GRM7: variants seen among roughly 807,000 people sequenced by gnomAD.
GRM7 encodes the protein metabotropic glutamate receptor 7.
In GRM7, 35 loss-of-function variants were observed where a neutral mutation model predicts 84.5. The ratio of observed to expected loss-of-function variants is 0.41; its 90% confidence interval spans 0.32 to 0.55. The LOEUF is 0.55. GRM7 is among the 20% of genes least tolerant of loss of function. The pLI is 0.19. For synonymous variants in GRM7, 487 were observed against 455.1 expected (o/e 1.07, Z -0.89); for missense variants, 1,003 against 1,194.6 (o/e 0.84, Z 2.36).
At position 6,936,028 on chromosome 3, in the gene GRM7, GTGCT is replaced by G. The variant is rs372243923; in HGVS notation, c.519+74128_519+74131del. On this transcript the variant is annotated intron_variant, in intron 1 of 9. Transcript: ENST00000357716. ...CCAGCCTTTGCTTTCTGTTTCTAAT[GTGCT>G]TGCTTGGAAGTCTCCCAGAGGCCTC... is the stretch of plus-strand genomic sequence containing the variant. Among the ~76,000 whole-genome samples, 336 of 152,130 alleles carry G rather than the reference GTGCT, an allele frequency of 2.2e-3. 2 individuals carry two copies. The highest frequency in any genetic ancestry group is 8.0e-3 in the African/African-American group (330 of 41,506).
intron 1 of GRM7, among the ~76,000 whole-genome samples, chr3:7,104,374 T>G (rs765659261): frequency 2.0e-5 from 3 of 151,782 alleles, no homozygotes; most frequent in Non-Finnish European, 2.9e-5. Flanking sequence ...TGTGAAAATA[T>G]AAATTTTTGA....
At chr3:7,169,930 C>T (rs1342805901) in intron 2 of GRM7, among the ~76,000 whole-genome samples, 1 of 152,146 alleles carries the variant, frequency 6.6e-6, no homozygotes, top group African/African-American at 2.4e-5. Flanking sequence ...ATATATAGGA[C>T]AATGGTTCTG....
rs752445160 is a variant in GRM7 at position 7,579,005 on chromosome 3, C to A, written c.2099C>A (p.Thr700Lys). The change falls in exon 8 of 10, where the codon ACA becomes AAA. Residue 700 changes from threonine to lysine, a missense_variant. By Grantham distance (78) the Thr-to-Lys change is moderately conservative (BLOSUM62 -1). This residue lies in a region of GRM7 where 910 missense variants were observed against 1,126.0 expected (regional missense o/e 0.81). Transcript: ENST00000357716. ...SVTAPRLISP[T>K]SQLAITSSLI... Reference sequence around the variant, plus strand: ...ACAGCTCCCAGACTCATAAGCCCAACATCACAACTGGCAATCACTTCCAGT... The same window carrying A: ...ACAGCTCCCAGACTCATAAGCCCAAAATCACAACTGGCAATCACTTCCAGT... 3 of 1,613,940 alleles carry A rather than the reference C, an allele frequency of 1.9e-6. No homozygotes were observed. Among genetic ancestry groups the A allele is most frequent in the Non-Finnish European group, 2.5e-6 (3 of 1,179,970 alleles).
rs188628430 is a variant in GRM7 at position 6,996,889 on chromosome 3, A to G, written c.519+134982A>G. Reference sequence around the variant, plus strand: ...CTCAACAAAAAGCTAGTGAATTGACAAGCACAGAACAAAGTCTGGAAGGAA... The same window carrying G: ...CTCAACAAAAAGCTAGTGAATTGACGAGCACAGAACAAAGTCTGGAAGGAA... On this transcript the variant is annotated intron_variant, in intron 1 of 9. Transcript: ENST00000357716. 4.1e-3 allele frequency among the ~76,000 whole-genome samples: 629 copies of G among 152,336 alleles called. 5 individuals carry two copies. The highest frequency in any genetic ancestry group is 0.014 in the African/African-American group (600 of 41,574).
At chr3:7,477,232 CA>C (rs2124931525) in intron 7 of GRM7, among the ~76,000 whole-genome samples, 1 of 152,118 alleles carries the variant, frequency 6.6e-6, no homozygotes, top group African/African-American at 2.4e-5. Flanking sequence ...TAAATGCACT[CA>C]AAAGAGCAAG....
chr3:6,890,490 G>C (rs982947701), intron 1 of GRM7, among the ~76,000 whole-genome samples: 1 of 152,026 alleles, frequency 6.6e-6, no homozygotes, highest in Non-Finnish European at 1.5e-5. Flanking sequence ...CCGTTATGTA[G>C]CCAGTAGTCA....
At chr3:6,865,837 T>G (rs894076466) in intron 1 of GRM7, among the ~76,000 whole-genome samples, 1 of 152,066 alleles carries the variant, frequency 6.6e-6, no homozygotes, top group Non-Finnish European at 1.5e-5. Context: ...GTGGTGAAAT[T>G]TATTAGAAAG....
At chr3:6,888,235 A>C (rs1028557921) in intron 1 of GRM7, among the ~76,000 whole-genome samples, 22 of 151,986 alleles carry the variant, frequency 1.4e-4, no homozygotes, top group African/African-American at 5.3e-4. Flanking sequence ...CTTTAGTTTA[A>C]TTAGATCCCA....
At chr3:6,986,618 T>C (rs563262998) in intron 1 of GRM7, among the ~76,000 whole-genome samples, 3 of 152,318 alleles carry the variant, frequency 2.0e-5, no homozygotes, top group South Asian at 4.1e-4. Flanking sequence ...AAGCTCTCTC[T>C]ACTTCTCTCC....
chr3:6,879,785 C>T (rs996590625), intron 1 of GRM7, among the ~76,000 whole-genome samples: 2 of 152,080 alleles, frequency 1.3e-5, no homozygotes, highest in African/African-American at 2.4e-5. Flanking sequence ...AATAATAGAA[C>T]CTGAATAAGA....
intron 2 of GRM7, among the ~76,000 whole-genome samples, chr3:7,234,455 C>T (rs1016573969): frequency 6.6e-6 from 1 of 152,158 alleles, no homozygotes; most frequent in African/African-American, 2.4e-5. Flanking sequence ...GTATCTGCCT[C>T]ATAGAATTGT....
chr3:7,630,480 C>T (rs986501966), intron 8 of GRM7, among the ~76,000 whole-genome samples: 9 of 152,262 alleles, frequency 5.9e-5, no homozygotes, highest in South Asian at 4.1e-4. Context: ...CCCTGCCAGA[C>T]GCACCTCTTC....
chr3:7,035,903 T>A (rs1303155800), intron 1 of GRM7, among the ~76,000 whole-genome samples: 1 of 152,258 alleles, frequency 6.6e-6, no homozygotes. Flanking sequence ...ATTTTATCTT[T>A]GCTAACCTTT....
rs1227594375 is a variant in GRM7 at position 6,969,751 on chromosome 3, C to T, written c.519+107844C>T. 3.9e-5 allele frequency among the ~76,000 whole-genome samples: 6 copies of T among 152,292 alleles called. No homozygotes were observed. In the East Asian group the frequency reaches 9.7e-4, roughly 25 times the overall value. On this transcript the variant is annotated intron_variant, in intron 1 of 9. Transcript: ENST00000357716. Reference sequence around the variant, plus strand: ...AGGAAGTTAACAATTCCACCCATATCTAAGGCCCAGCCCTTTAAAGACAGA... The same window carrying T: ...AGGAAGTTAACAATTCCACCCATATTTAAGGCCCAGCCCTTTAAAGACAGA...
intron 1 of GRM7, among the ~76,000 whole-genome samples, chr3:7,058,714 A>G (rs1697320569): frequency 1.3e-5 from 2 of 151,886 alleles, no homozygotes; most frequent in South Asian, 2.1e-4. Flanking sequence ...AGTATACCGA[A>G]CAAAGGAGAC....
chr3:7,175,051 C>A (rs1001228928), intron 2 of GRM7, among the ~76,000 whole-genome samples: 14 of 152,136 alleles, frequency 9.2e-5, no homozygotes, highest in Admixed American at 5.2e-4. Flanking sequence ...GGCCCAAACT[C>A]CATTGAGGGC....
intron 5 of GRM7, among the ~76,000 whole-genome samples, chr3:7,437,768 A>G (rs376762577): frequency 3.3e-5 from 5 of 152,180 alleles, no homozygotes; most frequent in Admixed American, 2.0e-4. Flanking sequence ...TAATATAACT[A>G]TATAATTCTT....
At position 7,486,636 on chromosome 3, in the gene GRM7, C is replaced by T. The variant is rs1699333507; in HGVS notation, c.1515+24914C>T. Among the ~76,000 whole-genome samples the T allele has an allele frequency of 6.6e-6, 1 of 152,192 alleles. No individual in the cohort carries two copies. The highest frequency in any genetic ancestry group is 1.5e-5 in the Non-Finnish European group (1 of 68,036). ...ACTTCTCTGCCATGTTGACACAGCACAAGACCCTCCCCAGAAGCAGAGCAG... is the reference window on the plus strand; with the variant it reads ...ACTTCTCTGCCATGTTGACACAGCATAAGACCCTCCCCAGAAGCAGAGCAG... On this transcript the variant is annotated intron_variant, in intron 7 of 9. Transcript: ENST00000357716. The surrounding 1 kb of genome is among the most constrained non-coding windows in gnomAD (Gnocchi z 5.5).
chr3:7,575,173 C>T (rs1694899703), intron 7 of GRM7, among the ~76,000 whole-genome samples: 1 of 152,112 alleles, frequency 6.6e-6, no homozygotes, highest in Admixed American at 6.5e-5. Flanking sequence ...TGTTCTCTTG[C>T]CAAAAGCTAG....
Sources: allele counts gnomAD v4.1 joint callset (sites outside exome capture counted in the v4.1 genomes callset), GRCh38; gene constraint gnomAD v4.1.1; regional missense constraint gnomAD v4.1.1; non-coding constraint Gnocchi (gnomAD v3.1); transcripts MANE v1.5; gene names NCBI Gene and HGNC (gene_info 2026-07-23, HGNC 2026-07-21).